Variants in MGMT observed in about 807,000 individuals in gnomAD.
MGMT encodes methylated-DNA--protein-cysteine methyltransferase.
In MGMT, 14 loss-of-function variants were observed where a neutral mutation model predicts 15.9. The observed-to-expected ratio is 0.88, with a 90% CI of 0.58 to 1.37. The LOEUF (loss-of-function observed/expected upper bound fraction) is 1.37, where lower values mean the gene tolerates loss of function less well. MGMT is among the 40% of genes most tolerant of loss of function. The probability of loss-of-function intolerance (pLI) is 0.00; values close to 1 mark genes in which losing one functional copy is unlikely to be tolerated. For synonymous variants in MGMT, 130 were observed against 118.2 expected (o/e 1.10, Z -0.65); for missense variants, 282 against 268.1 (o/e 1.05, Z -0.36).
intron 2 of MGMT, among the ~76,000 whole-genome samples, chr10:129,705,049 C>T (rs564895927): frequency 2.1e-4 from 32 of 152,330 alleles, no homozygotes; most frequent in South Asian, 1.7e-3. Context: ...AATAACAACA[C>T]GGGTGCAGTT....
At chr10:129,513,874 T>C (rs957760007) in intron 1 of MGMT, among the ~76,000 whole-genome samples, 1 of 152,196 alleles carries the variant, frequency 6.6e-6, no homozygotes, top group Admixed American at 6.5e-5. Context: ...TGGGTAGTCG[T>C]AGAAGTGGAG....
At chr10:129,508,388 G>T (rs1453209343) in intron 1 of MGMT, among the ~76,000 whole-genome samples, 3 of 152,136 alleles carry the variant, frequency 2.0e-5, no homozygotes, top group African/African-American at 7.2e-5. Flanking sequence ...GAAAAAAGTT[G>T]ATCTTCACCT....
chr10:129,547,982 G>A (rs867621119), intron 2 of MGMT, among the ~76,000 whole-genome samples: 1 of 152,220 alleles, frequency 6.6e-6, no homozygotes, highest in Admixed American at 6.5e-5. Context: ...GTTGGCACAA[G>A]GTCGCCAGGC....
At position 129,536,177 on chromosome 10, in the gene MGMT, G is replaced by A. The variant is rs527540934; in HGVS notation, c.-12-64G>A. 5.9e-5 allele frequency: 92 copies of A among 1,548,652 alleles called. No homozygotes were observed. In the African/African-American group the frequency reaches 1.1e-3, roughly 19 times the overall value. ...GTCTTAAATAACCAGTACTTCTGTT[G>A]TGTGTTTTATATACGACCAGCCTCT... is the stretch of plus-strand genomic sequence containing the variant. On this transcript the variant is annotated intron_variant, in intron 1 of 4. Coordinates refer to ENST00000651593, the MANE Select transcript of MGMT (RefSeq NM_002412.5).
At chr10:129,508,870 C>T (rs1317099056) in intron 1 of MGMT, among the ~76,000 whole-genome samples, 1 of 151,748 alleles carries the variant, frequency 6.6e-6, no homozygotes, top group Non-Finnish European at 1.5e-5. Flanking sequence ...TTGGAAAACC[C>T]CATTAAATAG....
At chr10:129,547,631 A>G (rs968163352) in intron 2 of MGMT, among the ~76,000 whole-genome samples, 1 of 152,212 alleles carries the variant, frequency 6.6e-6, no homozygotes, top group East Asian at 1.9e-4. Flanking sequence ...TGGAATCCAC[A>G]TTACTGCTTT....
At chr10:129,564,686 TC>T (rs1310484654) in intron 2 of MGMT, among the ~76,000 whole-genome samples, 2 of 58,578 alleles carry the variant, frequency 3.4e-5, no homozygotes, top group African/African-American at 1.1e-4. Context: ...TCCTTCCTCC[TC>T]CTCCTCTCCT....
At chr10:129,744,691 G>A (rs1047536510) in intron 3 of MGMT, among the ~76,000 whole-genome samples, 4 of 152,154 alleles carry the variant, frequency 2.6e-5, no homozygotes, top group African/African-American at 9.7e-5. Context: ...ACCTCCTCCC[G>A]CTCACTCTCA....
chr10:129,472,433 A>C (rs1357675530), intron 1 of MGMT, among the ~76,000 whole-genome samples: 1 of 152,096 alleles, frequency 6.6e-6, no homozygotes, highest in Admixed American at 6.5e-5. Flanking sequence ...TCACGGAAGG[A>C]TGAAACGAGA....
chr10:129,576,138 C>T (rs576241388), intron 2 of MGMT, among the ~76,000 whole-genome samples: 2 of 152,328 alleles, frequency 1.3e-5, no homozygotes, highest in Admixed American at 1.3e-4. Flanking sequence ...CCTTCTGAAA[C>T]TATTCCAATC....
At chr10:129,711,085 G>T (rs2053138) in intron 3 of MGMT, among the ~76,000 whole-genome samples, 1 of 151,992 alleles carries the variant, frequency 6.6e-6, no homozygotes, top group East Asian at 2.0e-4. Flanking sequence ...TTCTGACTGC[G>T]CAGTACCAAG....
intron 1 of MGMT, among the ~76,000 whole-genome samples, chr10:129,499,869 C>T (rs73380810): frequency 0.036 from 5,531 of 152,178 alleles, 278 homozygotes; most frequent in African/African-American, 0.12. Context: ...AAGTAGCTGA[C>T]GGAAATACAT....
chr10:129,692,905 C>T (rs1334729662), intron 2 of MGMT, among the ~76,000 whole-genome samples: 1 of 152,234 alleles, frequency 6.6e-6, no homozygotes, highest in Non-Finnish European at 1.5e-5. Context: ...TCTCATCCGT[C>T]GTTCCCAGTG....
intron 2 of MGMT, among the ~76,000 whole-genome samples, chr10:129,617,395 G>A (rs191748532): frequency 1.4e-3 from 209 of 152,140 alleles, no homozygotes; most frequent in African/African-American, 4.7e-3. Context: ...GAATATACGC[G>A]TGCATGTATC....
intron 3 of MGMT, among the ~76,000 whole-genome samples, chr10:129,743,981 G>A (rs1848666362): frequency 1.3e-5 from 2 of 152,210 alleles, no homozygotes; most frequent in African/African-American, 4.8e-5. Context: ...GGGATGGGAT[G>A]ACCTGGTGAG....
At chr10:129,555,832 C>T (rs1846207052) in intron 2 of MGMT, among the ~76,000 whole-genome samples, 1 of 152,168 alleles carries the variant, frequency 6.6e-6, no homozygotes, top group South Asian at 2.1e-4. Flanking sequence ...AAAAGTAGCA[C>T]GAATTCCAAG....
intron 2 of MGMT, among the ~76,000 whole-genome samples, chr10:129,562,997 C>T (rs1846297889): frequency 6.6e-6 from 1 of 152,126 alleles, no homozygotes; most frequent in African/African-American, 2.4e-5. Context: ...CGTCTCAGTA[C>T]AGTATTGAAT....
At chr10:129,609,702 G>A (rs976745280) in intron 2 of MGMT, among the ~76,000 whole-genome samples, 2 of 152,196 alleles carry the variant, frequency 1.3e-5, no homozygotes, top group African/African-American at 4.8e-5. Context: ...TCTTTGCTCA[G>A]AGCTCTCTGA....
intron 2 of MGMT, among the ~76,000 whole-genome samples, chr10:129,588,577 G>A (rs930940173): frequency 1.3e-5 from 2 of 152,126 alleles, no homozygotes; most frequent in African/African-American, 4.8e-5. Context: ...GTGGCTCGGT[G>A]TGGCCAAGAC....
Sources: allele counts gnomAD v4.1 joint callset (sites outside exome capture counted in the v4.1 genomes callset), GRCh38; gene constraint gnomAD v4.1.1; transcripts MANE v1.5; gene names NCBI Gene and HGNC (gene_info 2026-07-23, HGNC 2026-07-21).